Variants in NINL observed in about 807,000 individuals in gnomAD.
NINL encodes ninein like.
A neutral mutation model predicts 160.3 loss-of-function variants in NINL; 153 were observed. That is an observed-to-expected ratio of 0.95 (90% CI 0.84 to 1.09). The LOEUF (loss-of-function observed/expected upper bound fraction) is 1.09, where lower values mean the gene tolerates loss of function less well. NINL is among the 50% of genes least tolerant of loss of function. The pLI is 0.00. For missense variants in NINL, 1,829 were observed against 1,764.0 expected, an observed-to-expected ratio of 1.04 and a Z score of -0.66; for synonymous variants, 800 against 734.8, an observed-to-expected ratio of 1.09 and a Z score of -1.43.
intron 10 of NINL, among the ~76,000 whole-genome samples, chr20:25,496,348 A>G (rs2063751698): frequency 6.6e-6 from 1 of 152,118 alleles, no homozygotes; most frequent in African/African-American, 2.4e-5. Flanking sequence ...CTCTTGCATC[A>G]CAGGCACGCA....
rs541527193 is a variant in NINL at position 25,540,584 on chromosome 20, C to T, written c.-11-13986G>A. 2.3e-3 allele frequency among the ~76,000 whole-genome samples: 346 copies of T among 152,280 alleles called. 3 individuals are homozygous for T. Among genetic ancestry groups the T allele is most frequent in the Non-Finnish European group, 3.0e-3 (206 of 68,024 alleles). The stretch of plus-strand genomic sequence containing the variant: ...CAATCACCTAGGGACCCAGAGTGTC[C>T]GTAACGGGAAGCCATTCCCAACAAG... On this transcript the variant is annotated intron_variant, in intron 1 of 23. Transcript: ENST00000278886.
chr20:25,548,470 A>G (rs2064761666), intron 1 of NINL, among the ~76,000 whole-genome samples: 2 of 152,110 alleles, frequency 1.3e-5, no homozygotes, highest in Admixed American at 1.3e-4. Context: ...CTGAGCACCC[A>G]CAGCCACAGC....
intron 1 of NINL, among the ~76,000 whole-genome samples, chr20:25,580,618 G>T (rs995344539): frequency 6.6e-6 from 1 of 152,132 alleles, no homozygotes; most frequent in Non-Finnish European, 1.5e-5. Flanking sequence ...ACCAGGCAGC[G>T]CCAGATGCAT....
intron 4 of NINL, among the ~76,000 whole-genome samples, chr20:25,511,290 C>A (rs144323766): frequency 1.3e-5 from 2 of 152,176 alleles, no homozygotes; most frequent in Middle Eastern, 3.2e-3. Flanking sequence ...GATAGCACAG[C>A]GCCTGGTAAC....
At chr20:25,542,646 T>A (rs1432186534) in intron 1 of NINL, among the ~76,000 whole-genome samples, 2 of 130,176 alleles carry the variant, frequency 1.5e-5, no homozygotes, top group Non-Finnish European at 3.1e-5. Context: ...AGATGCTCTA[T>A]GGAGTAGCCA....
chr20:25,493,632 C>T (rs1267421562), intron 10 of NINL, among the ~76,000 whole-genome samples: 1 of 152,102 alleles, frequency 6.6e-6, no homozygotes, highest in Non-Finnish European at 1.5e-5. Flanking sequence ...GGTCACCTCC[C>T]CCAGGGGCCG....
intron 5 of NINL, among the ~76,000 whole-genome samples, chr20:25,506,210 G>A (rs905390542): frequency 1.3e-5 from 2 of 152,208 alleles, no homozygotes; most frequent in Admixed American, 6.5e-5. Context: ...GCAGTGAGCC[G>A]AGGTCACATC....
chr20:25,580,256 C>G (rs1385349106), intron 1 of NINL, among the ~76,000 whole-genome samples: 1 of 152,044 alleles, frequency 6.6e-6, no homozygotes, highest in African/African-American at 2.4e-5. Context: ...ATTGCTTGAA[C>G]CCAGCAGGCA....
chr20:25,497,106 G>A (rs1254338555), intron 9 of NINL, among the ~76,000 whole-genome samples: 1 of 152,230 alleles, frequency 6.6e-6, no homozygotes, highest in African/African-American at 2.4e-5. Context: ...GCAGCCCCAG[G>A]GCATGTGGGA....
intron 1 of NINL, among the ~76,000 whole-genome samples, chr20:25,561,651 T>C (rs898402584): frequency 7.2e-6 from 1 of 139,246 alleles, no homozygotes; most frequent in Non-Finnish European, 1.5e-5. Flanking sequence ...CAGCCGCCCA[T>C]CGTCTGAGAT....
At chr20:25,499,151 A>G (rs531808259) in intron 8 of NINL, 3 of 985,338 alleles carry the variant, frequency 3.0e-6, no homozygotes, top group Non-Finnish European at 3.6e-6. Context: ...CTGACTTTCC[A>G]CACTGCCCAC....
chr20:25,498,064 GGACA>G lies in NINL; in HGVS notation c.1169+142_1169+145del, dbSNP rs1262647235. Reference sequence around the variant, plus strand: ...CCGGCTTGAGGGGCCAGAGAGCACGGGACAGACAGTGTGCAGAGCCCTGCCCCAG... The same window carrying G: ...CCGGCTTGAGGGGCCAGAGAGCACGGGACAGTGTGCAGAGCCCTGCCCCAG... On this transcript the variant is annotated intron_variant, in intron 9 of 23. Coordinates refer to ENST00000278886, the MANE Select transcript of NINL (RefSeq NM_025176.6). 6.1e-5 allele frequency: 61 copies of G among 992,590 alleles called. No individual in the cohort carries two copies. In the African/African-American group the frequency reaches 7.6e-4, roughly 12 times the overall value. 61.5% of individuals were successfully genotyped at this position (992,590 alleles called of 1,614,324 possible). A position where few individuals can be genotyped will look rare whatever the true frequency, so the allele number is the denominator to read the frequency against.
intron 1 of NINL, among the ~76,000 whole-genome samples, chr20:25,567,139 G>A (rs747361136): frequency 5.1e-4 from 77 of 152,260 alleles, no homozygotes; most frequent in Non-Finnish European, 1.0e-3. Flanking sequence ...CAATACCTTT[G>A]ATGGGCTCAT....
intron 13 of NINL, among the ~76,000 whole-genome samples, chr20:25,487,243 A>T (rs1334821646): frequency 6.6e-6 from 1 of 152,224 alleles, no homozygotes; most frequent in African/African-American, 2.4e-5. Flanking sequence ...TTGCAGGAGA[A>T]ATGAATGAGT....
intron 23 of NINL, among the ~76,000 whole-genome samples, chr20:25,455,322 T>C (rs1455631826): frequency 6.6e-6 from 1 of 152,196 alleles, no homozygotes; most frequent in Non-Finnish European, 1.5e-5. Context: ...TATGGAAGCA[T>C]CTGCCTCTGT....
chr20:25,536,799 A>C (rs2064564515), intron 1 of NINL, among the ~76,000 whole-genome samples: 1 of 151,974 alleles, frequency 6.6e-6, no homozygotes, highest in Non-Finnish European at 1.5e-5. Context: ...TAGAAGTGTA[A>C]TCATGACCAA....
At chr20:25,518,124 C>A (rs575821216) in intron 2 of NINL, among the ~76,000 whole-genome samples, 8 of 152,306 alleles carry the variant, frequency 5.3e-5, no homozygotes, top group African/African-American at 1.9e-4. Flanking sequence ...CTGATGACCA[C>A]GAAACGTTAC....
At chr20:25,516,110 G>A (rs1237616298) in intron 3 of NINL, among the ~76,000 whole-genome samples, 3 of 151,986 alleles carry the variant, frequency 2.0e-5, no homozygotes, top group Non-Finnish European at 2.9e-5. Flanking sequence ...AGCACCTCCC[G>A]CTTCACTCTA....
chr20:25,514,418 G>C (rs2064127795), intron 3 of NINL, among the ~76,000 whole-genome samples: 1 of 152,242 alleles, frequency 6.6e-6, no homozygotes, highest in African/African-American at 2.4e-5. Flanking sequence ...CATGAGCAAA[G>C]AGATGATCTG....
Sources: allele counts gnomAD v4.1 joint callset (sites outside exome capture counted in the v4.1 genomes callset), GRCh38; gene constraint gnomAD v4.1.1; transcripts MANE v1.5; gene names NCBI Gene and HGNC (gene_info 2026-07-23, HGNC 2026-07-21).